USH2A: variants seen among roughly 807,000 people sequenced by gnomAD.
USH2A encodes the protein Usher syndrome 2A (autosomal recessive, mild).
Under a neutral mutation model 538.9 loss-of-function variants are expected in USH2A, and 443 were observed. The ratio of observed to expected loss-of-function variants is 0.82; its 90% CI spans 0.76 to 0.89. The LOEUF is 0.89. Among genes scored for constraint, USH2A ranks in the 40% least tolerant of loss-of-function variants. USH2A has a pLI of 0.00. For missense variants in USH2A, 6,633 were observed against 6,324.8 expected (o/e 1.05, Z -1.65); for synonymous variants, 2,413 against 2,273.5 (o/e 1.06, Z -1.75).
Position 215,634,485 on chromosome 1 carries a change from C to T in USH2A, c.15271G>A (p.Val5091Ile). The T allele has an allele frequency of 1.9e-6, 3 of 1,614,210 alleles. No homozygotes were observed. Among genetic ancestry groups the T allele is most frequent in the Non-Finnish European group, 2.5e-6 (3 of 1,180,036 alleles). ...ATATGGTTTTCCCCCGGTGGGTAAA[C>T]ATTCAATGGAGACATCCTCTTCTGA... ...PLQKRMSPLN[V>I]YPPGENHMGL... Residue 5091 changes from valine (V) to isoleucine (I), a missense_variant, in exon 70 of 72, where the codon GTT becomes ATT. By Grantham distance (29) the Val-to-Ile change is conservative (BLOSUM62 3). Coordinates refer to ENST00000307340, the MANE Select transcript of USH2A (RefSeq NM_206933.4).
At chr1:215,929,154 T>A (rs1418440760) in intron 38 of USH2A, among the ~76,000 whole-genome samples, 10 of 151,532 alleles carry the variant, frequency 6.6e-5, no homozygotes, top group Non-Finnish European at 1.0e-4. Context: ...ATTAACAATG[T>A]AAAAAAAAGC....
At chr1:215,934,179 A>G (rs769876756) in intron 38 of USH2A, among the ~76,000 whole-genome samples, 17 of 152,144 alleles carry the variant, frequency 1.1e-4, no homozygotes, top group African/African-American at 4.1e-4. Flanking sequence ...TGCCAAATGA[A>G]GTACTTTAAG....
intron 21 of USH2A, among the ~76,000 whole-genome samples, chr1:216,142,252 C>G (rs1456078306): frequency 6.6e-6 from 1 of 152,156 alleles, no homozygotes; most frequent in African/African-American, 2.4e-5. Context: ...CTCACCACAT[C>G]ATACCAACTG....
intron 21 of USH2A, among the ~76,000 whole-genome samples, chr1:216,113,022 G>A (rs1040415358): frequency 8.0e-5 from 12 of 150,440 alleles, no homozygotes; most frequent in African/African-American, 2.9e-4. Flanking sequence ...ATCAAAGAAT[G>A]TTTTCTTTCG....
chr1:215,660,797 T>G (rs539998238), intron 64 of USH2A, among the ~76,000 whole-genome samples: 7 of 152,332 alleles, frequency 4.6e-5, no homozygotes, highest in African/African-American at 2.4e-5. Context: ...CCGTACAGTT[T>G]TCTAGATGCT....
intron 30 of USH2A, among the ~76,000 whole-genome samples, chr1:216,059,899 C>A (rs903751862): frequency 6.6e-6 from 1 of 152,114 alleles, no homozygotes; most frequent in African/African-American, 2.4e-5. Context: ...TATTCCCAGA[C>A]CTAGTGAATC....
intron 21 of USH2A, among the ~76,000 whole-genome samples, chr1:216,164,253 C>T (rs1013141242): frequency 2.0e-5 from 3 of 152,030 alleles, no homozygotes; most frequent in Non-Finnish European, 4.4e-5. Context: ...AAGCTTGAAA[C>T]ACAGTTTAGG....
Position 216,073,228 on chromosome 1 carries a change from C to G in USH2A, c.5645G>C (p.Gly1882Ala). 1 of 1,613,868 alleles carries G rather than the reference C, an allele frequency of 6.2e-7. No homozygotes were observed. The change falls in exon 28 of 72, where the codon GGT becomes GCT. Residue 1882 changes from glycine (G) to alanine (A), a missense_variant. Transcript: ENST00000307340. ...AVVNLASVSS[G>A]AVRVNLDGCL... ...TCCATCCAGATTGACTCTGACAGCA[C>G]CGCTGGACACAGATGCCAAGTTAAC... is the stretch of plus-strand genomic sequence containing the variant.
rs1316075662 is a variant in USH2A, at chr1:216,325,198, C to T, written c.1143+107G>A. The stretch of plus-strand genomic sequence containing the variant: ...CATGTTGATTTCATATTTCTGATCT[C>T]CAGAACTGTTAGGGAATATATTTCT... On this transcript the variant is annotated intron_variant, in intron 6 of 71. Coordinates refer to ENST00000307340, the MANE Select transcript of USH2A (RefSeq NM_206933.4). 6 of 1,252,870 alleles carry T rather than the reference C, an allele frequency of 4.8e-6. No individual in the cohort carries two copies. The East Asian group carries it at 9.6e-5, about 20-fold the overall frequency. The allele number at this position is 1,252,870 out of a possible 1,614,324, so 77.6% of individuals were successfully genotyped here. A position where few individuals can be genotyped will look rare whatever the true frequency, so the allele number is the denominator to read the frequency against.
At chr1:215,828,644 T>G (rs1199686841) in intron 47 of USH2A, among the ~76,000 whole-genome samples, 1 of 152,108 alleles carries the variant, frequency 6.6e-6, no homozygotes, top group Non-Finnish European at 1.5e-5. Context: ...ACTTTATACC[T>G]CACACTCCTT....
rs531475127 is a variant in USH2A, at chr1:215,914,061, C to A, written c.7301-13156G>T. 3.8e-3 allele frequency among the ~76,000 whole-genome samples: 547 copies of A among 145,440 alleles called. 6 individuals are homozygous for A. Among genetic ancestry groups the A allele is most frequent in the African/African-American group, 0.013 (526 of 39,766 alleles). On this transcript the variant is annotated intron_variant, in intron 38 of 71. Coordinates refer to ENST00000307340, the MANE Select transcript of USH2A (RefSeq NM_206933.4). ...TCTACTAAGGTTAGCCATTGTCAAG[C>A]AACAGACTTTTTTTTTTTTTTTTTT...
intron 38 of USH2A, among the ~76,000 whole-genome samples, chr1:215,904,759 T>C (rs1160215002): frequency 6.6e-6 from 1 of 152,096 alleles, no homozygotes; most frequent in African/African-American, 2.4e-5. Context: ...ACACAGCGAC[T>C]AGATAAAACA....
intron 30 of USH2A, among the ~76,000 whole-genome samples, chr1:216,052,643 G>A (rs1361905140): frequency 2.0e-5 from 3 of 152,156 alleles, no homozygotes; most frequent in Non-Finnish European, 4.4e-5. Flanking sequence ...ATGGTTCACT[G>A]TGCTTTCTCC....
intron 14 of USH2A, among the ~76,000 whole-genome samples, chr1:216,227,843 A>G (rs1202845603): frequency 6.6e-6 from 1 of 152,194 alleles, no homozygotes; most frequent in Non-Finnish European, 1.5e-5. Flanking sequence ...CATACATGGT[A>G]GTGCTTCAGA....
intron 32 of USH2A, among the ~76,000 whole-genome samples, chr1:216,032,967 C>T (rs917132089): frequency 6.6e-6 from 1 of 152,136 alleles, no homozygotes; most frequent in South Asian, 2.1e-4. Context: ...CAATTAAATC[C>T]ACCCAAATTT....
intron 59 of USH2A, 111 bp downstream of exon 59, chr1:215,743,066 G>C: frequency 1.5e-6 from 2 of 1,350,652 alleles, no homozygotes; most frequent in South Asian, 2.4e-5. Context: ...CAAATAAGAA[G>C]TGAAACGTTA....
chr1:216,020,026 T>G (rs1214057153), intron 32 of USH2A, among the ~76,000 whole-genome samples: 1 of 152,200 alleles, frequency 6.6e-6, no homozygotes, highest in Admixed American at 6.6e-5. Flanking sequence ...TGTCTATCTT[T>G]GAATCATTTC....
In USH2A at chr1:215,758,618, A is replaced by G. The variant is rs183979371; in HGVS notation, c.11366T>C (p.Ile3789Thr). 40 of 1,613,604 alleles carry G rather than the reference A, an allele frequency of 2.5e-5. No homozygotes were observed. In the Admixed American group the frequency reaches 6.7e-4, roughly 27 times the overall value. Residue 3789 changes from isoleucine (I) to threonine (T), a missense_variant, in exon 58 of 72, where the codon ATA becomes ACA. Transcript: ENST00000307340. ...ACCTGGTGGTATCCAAGCTACAAAT[A>G]TAGAATAAGGCCCAATTACTGTGAT... is the stretch of plus-strand genomic sequence containing the variant. ...YNITVIGPYS[I>T]FVAWIPPGIL...
intron 40 of USH2A, among the ~76,000 whole-genome samples, chr1:215,899,132 GTAT>G (rs1385035539): frequency 2.6e-5 from 4 of 152,024 alleles, no homozygotes; most frequent in Non-Finnish European, 4.4e-5. Flanking sequence ...GCAATTAAAG[GTAT>G]TATAGAAATA....
Sources: allele counts gnomAD v4.1 joint callset (sites outside exome capture counted in the v4.1 genomes callset), GRCh38; gene constraint gnomAD v4.1.1; transcripts MANE v1.5; gene names NCBI Gene and HGNC (gene_info 2026-07-23, HGNC 2026-07-21).